The following GABRG1 variants were observed in gnomAD, a reference collection of about 807,000 sequenced individuals.
The protein encoded by GABRG1 is gamma-aminobutyric acid receptor subunit gamma-1.
In GABRG1, 49 loss-of-function variants were observed where a neutral mutation model predicts 49.8. The observed-to-expected ratio is 0.98, with a 90% CI of 0.78 to 1.25. GABRG1 has a LOEUF of 1.25. Ranked by LOEUF, GABRG1 falls within the 50% of genes most tolerant of loss-of-function variation. The probability of loss-of-function intolerance (pLI) is 0.00; values close to 1 mark genes in which losing one functional copy is unlikely to be tolerated. For missense variants in GABRG1, 552 were observed against 552.3 expected, an observed-to-expected ratio of 1.00 and a Z score of 0.01; for synonymous variants, 232 against 185.1, an observed-to-expected ratio of 1.25 and a Z score of -2.06.
intron 7 of GABRG1, 47 bp downstream of exon 7, chr4:46,058,170 A>AT (rs1201654330): frequency 6.5e-7 from 1 of 1,533,590 alleles, no homozygotes; most frequent in Non-Finnish European, 8.8e-7. Context: ...CATCAAAATG[A>AT]TTTTTTAAAG....
intron 7 of GABRG1, 144 bp downstream of exon 7, chr4:46,058,073 G>T (rs1718519429): frequency 1.8e-6 from 1 of 554,228 alleles, no homozygotes; most frequent in Admixed American, 3.7e-5. Context: ...CTTTCAACAT[G>T]GTATTGTCCC....
intron 3 of GABRG1, among the ~76,000 whole-genome samples, chr4:46,067,546 A>G (rs1208932572): frequency 6.6e-6 from 1 of 152,150 alleles, no homozygotes; most frequent in Non-Finnish European, 1.5e-5. Context: ...AAATGCTTGC[A>G]TCATGACCCT....
At chr4:46,094,472 T>C (rs1377199395) in intron 2 of GABRG1, among the ~76,000 whole-genome samples, 1 of 151,864 alleles carries the variant, frequency 6.6e-6, no homozygotes, top group Non-Finnish European at 1.5e-5. Flanking sequence ...AAATGTACCA[T>C]TAATATGAAA....
At chr4:46,115,355 T>A (rs1720850729) in intron 1 of GABRG1, among the ~76,000 whole-genome samples, 1 of 150,740 alleles carries the variant, frequency 6.6e-6, no homozygotes, top group African/African-American at 2.4e-5. Context: ...TTCCGTAAGT[T>A]GTGTTGAAAT....
chr4:46,043,046 T>C (rs369181763), intron 8 of GABRG1, among the ~76,000 whole-genome samples: 151 of 152,100 alleles, frequency 9.9e-4, no homozygotes, highest in African/African-American at 3.4e-3. Context: ...TATTTCCTTG[T>C]CACTTGATAC....
chr4:46,105,542 TG>T lies in GABRG1; in HGVS notation c.105-8194del, dbSNP rs2109436882. Among the ~76,000 whole-genome samples the T allele has an allele frequency of 2.0e-5, 3 of 151,522 alleles. No homozygotes were observed. In the East Asian group the frequency reaches 5.9e-4, roughly 30 times the overall value. On this transcript the variant is annotated intron_variant, in intron 1 of 8. Transcript: ENST00000295452. ...ACTAGTACATGCAAAACAAAGGGGA[TG>T]TTTTAAAAGGACAATTATTTACTTG...
At position 46,106,686 on chromosome 4, in the gene GABRG1, C is replaced by T. The variant is rs766737992; in HGVS notation, c.105-9337G>A. Among the ~76,000 whole-genome samples, 8 of 151,468 alleles carry T rather than the reference C, an allele frequency of 5.3e-5. 1 individual carries two copies. The Middle Eastern group carries it at 0.01, about 193-fold the overall frequency. ...AATAATTAGGTATATGAACTCCTCT[C>T]ACCTAACACCTCCTTTCCTTGTAAC... On this transcript the variant is annotated intron_variant, in intron 1 of 8. Transcript: ENST00000295452.
At position 46,039,223 on chromosome 4, in the gene GABRG1, A is replaced by C. The variant is rs1042484385; in HGVS notation, c.*1765T>G. The C allele has an allele frequency of 6.6e-6, 1 of 151,686 alleles. No individual in the cohort carries two copies. Among genetic ancestry groups the C allele is most frequent in the Non-Finnish European group, 1.5e-5 (1 of 67,738 alleles). The allele number at this position is 151,686 out of a possible 1,614,324, so 9.4% of individuals were successfully genotyped here. On this transcript the variant is annotated 3_prime_UTR_variant, in exon 9 of 9. Coordinates refer to ENST00000295452, the MANE Select transcript of GABRG1 (RefSeq NM_173536.4). ...TCTGTAAATGAATATATAGATGGCC[A>C]AAGTTTAGTTTGGCTGTTCATTCAA...
intron 3 of GABRG1, 147 bp downstream of exon 3, chr4:46,083,839 G>A: frequency 1.6e-6 from 1 of 640,946 alleles, no homozygotes; most frequent in South Asian, 1.8e-5. Flanking sequence ...AGCTCCAGTT[G>A]CCAATACCTG....
At chr4:46,118,722 A>C (rs548902099) in intron 1 of GABRG1, among the ~76,000 whole-genome samples, 1 of 151,202 alleles carries the variant, frequency 6.6e-6, no homozygotes, top group South Asian at 2.1e-4. Flanking sequence ...TGAATGAATT[A>C]ATAGCTAAGG....
intron 1 of GABRG1, among the ~76,000 whole-genome samples, chr4:46,106,000 A>G (rs772250532): frequency 6.6e-6 from 1 of 151,342 alleles, no homozygotes; most frequent in Non-Finnish European, 1.5e-5. Context: ...CCTTCCTGAA[A>G]TGTCTAGTTT....
rs189218970 is a variant in GABRG1 at position 46,061,562 on chromosome 4, A to G, written c.625+2879T>C. On this transcript the variant is annotated intron_variant, in intron 5 of 8. Transcript: ENST00000295452. ...TTTAAGATAATTGTATGTATCTAGA[A>G]AAATACTTTTATAAAAATACATGTG... is the stretch of plus-strand genomic sequence containing the variant. Among the ~76,000 whole-genome samples, 54 of 152,230 alleles carry G rather than the reference A, an allele frequency of 3.5e-4. 1 individual carries two copies. The highest frequency in any genetic ancestry group is 9.4e-4 in the African/African-American group (39 of 41,566).
At chr4:46,043,195 T>C (rs1046205286) in intron 8 of GABRG1, among the ~76,000 whole-genome samples, 13 of 151,974 alleles carry the variant, frequency 8.6e-5, no homozygotes, top group African/African-American at 3.1e-4. Flanking sequence ...TATGGTGTGT[T>C]TTTCAGAGGA....
intron 3 of GABRG1, among the ~76,000 whole-genome samples, chr4:46,074,706 A>G (rs889883749): frequency 2.6e-5 from 4 of 152,178 alleles, no homozygotes; most frequent in Admixed American, 6.6e-5. Flanking sequence ...TCTAAGACAA[A>G]CCTTTACTAC....
chr4:46,048,668 A>G (rs1459328073), intron 8 of GABRG1, among the ~76,000 whole-genome samples: 3 of 151,340 alleles, frequency 2.0e-5, no homozygotes, highest in African/African-American at 4.9e-5. Flanking sequence ...AGAAAGAAGG[A>G]AGGAAGGAAG....
intron 3 of GABRG1, among the ~76,000 whole-genome samples, chr4:46,071,918 C>A (rs1393926819): frequency 6.6e-6 from 1 of 151,936 alleles, no homozygotes; most frequent in Non-Finnish European, 1.5e-5. Context: ...TTAGTGTATT[C>A]TAAGTGCACA....
rs932090917 is a variant in GABRG1 at position 46,039,966 on chromosome 4, C to A, written c.*1022G>T. ...AACGCAGGCCTAAAACTGTTTTCTG[C>A]ATATTACTAGTCTAAAAACAATGCT... On this transcript the variant is annotated 3_prime_UTR_variant, in exon 9 of 9. Coordinates refer to ENST00000295452, the MANE Select transcript of GABRG1 (RefSeq NM_173536.4). 1.3e-5 allele frequency: 2 copies of A among 151,788 alleles called. No individual in the cohort carries two copies. The highest frequency in any genetic ancestry group is 4.8e-5 in the African/African-American group (2 of 41,404). The allele number at this position is 151,788 out of a possible 1,614,324, so 9.4% of individuals were successfully genotyped here.
Position 46,100,341 on chromosome 4 carries a change from G to A in GABRG1, c.105-2992C>T, listed in dbSNP as rs563079030. Among the ~76,000 whole-genome samples the A allele has an allele frequency of 3.3e-5, 5 of 151,594 alleles. No individual in the cohort carries two copies. In the East Asian group the frequency reaches 7.8e-4, roughly 24 times the overall value. On this transcript the variant is annotated intron_variant, in intron 1 of 8. Coordinates refer to ENST00000295452, the MANE Select transcript of GABRG1 (RefSeq NM_173536.4). Reference sequence around the variant, plus strand: ...TATCAGAGTGGGGAGGGTGGGAGGAGGGAAAGGATCAGGAAAAATAACTAA... The same window carrying A: ...TATCAGAGTGGGGAGGGTGGGAGGAAGGAAAGGATCAGGAAAAATAACTAA...
chr4:46,105,473 T>C (rs534549053), intron 1 of GABRG1, among the ~76,000 whole-genome samples: 88 of 151,538 alleles, frequency 5.8e-4, no homozygotes, highest in African/African-American at 2.1e-3. Context: ...TGGCTGCCTG[T>C]ACATTTAGGA....
Sources: allele counts gnomAD v4.1 joint callset (sites outside exome capture counted in the v4.1 genomes callset), GRCh38; gene constraint gnomAD v4.1.1; transcripts MANE v1.5; gene names NCBI Gene and HGNC (gene_info 2026-07-23, HGNC 2026-07-21).